CCDC3: variants seen among roughly 807,000 people sequenced by gnomAD.
The protein encoded by CCDC3 is coiled-coil domain containing 3.
CCDC3 carries 24 observed loss-of-function variants against 21.4 expected under a neutral mutation model. That is an observed-to-expected ratio of 1.12 (90% CI 0.81 to 1.58). CCDC3 has a LOEUF of 1.58. CCDC3 is among the 40% of genes most tolerant of loss of function. The probability of loss-of-function intolerance (pLI) is 0.00; values close to 1 mark genes in which losing one functional copy is unlikely to be tolerated. For missense variants in CCDC3, 425 were observed against 360.9 expected (o/e 1.18, Z -1.44); for synonymous variants, 186 against 166.0 (o/e 1.12, Z -0.93).
intron 2 of CCDC3, among the ~76,000 whole-genome samples, chr10:12,997,274 A>C (rs1339730301): frequency 6.6e-6 from 1 of 151,068 alleles, no homozygotes; most frequent in Non-Finnish European, 1.5e-5. Context: ...ATTCCATGTG[A>C]TACCCACATC....
At chr10:12,909,787 C>T (rs186244617) in intron 2 of CCDC3, among the ~76,000 whole-genome samples, 4 of 152,322 alleles carry the variant, frequency 2.6e-5, no homozygotes, top group Admixed American at 2.6e-4. Context: ...CCCACTGGTG[C>T]TATCCACCTG....
At chr10:13,013,225 A>G (rs1836004815) in intron 5 of CCDC3, among the ~76,000 whole-genome samples, 1 of 152,232 alleles carries the variant, frequency 6.6e-6, no homozygotes, top group Non-Finnish European at 1.5e-5. Context: ...GTTTCTAAAT[A>G]TCATTCTCCA....
In CCDC3 at chr10:12,997,067, C is replaced by T. The variant is rs144214548; in HGVS notation, c.549+1271G>A. On this transcript the variant is annotated intron_variant, in intron 2 of 2. Coordinates refer to ENST00000378825, the MANE Select transcript of CCDC3 (RefSeq NM_031455.4). ...TAAACCTACACACGTACCCCCTGAA[C>T]CTAAAATAAAAGTTGGAAGGAAAAC... 6.9e-4 allele frequency among the ~76,000 whole-genome samples: 105 copies of T among 151,978 alleles called. 1 individual carries two copies. The highest frequency in any genetic ancestry group is 2.3e-3 in the African/African-American group (97 of 41,440).
intron 2 of CCDC3, among the ~76,000 whole-genome samples, chr10:12,973,672 T>A (rs1330491694): frequency 6.6e-6 from 1 of 152,208 alleles, no homozygotes; most frequent in African/African-American, 2.4e-5. Context: ...GGACTTGGGC[T>A]TCCAGGTAAA....
intron 2 of CCDC3, among the ~76,000 whole-genome samples, chr10:12,909,043 C>G (rs1834222585): frequency 6.6e-6 from 1 of 152,190 alleles, no homozygotes; most frequent in African/African-American, 2.4e-5. Flanking sequence ...ATGCAAGGCT[C>G]CATCTTCCTG....
intron 4 of CCDC3, among the ~76,000 whole-genome samples, chr10:13,065,597 C>T (rs1349048913): frequency 6.6e-6 from 1 of 152,184 alleles, no homozygotes; most frequent in African/African-American, 2.4e-5. Context: ...GAAGCTAATG[C>T]TGTTTCCTTC....
At chr10:13,069,578 C>T (rs1836860314) in intron 4 of CCDC3, among the ~76,000 whole-genome samples, 2 of 152,110 alleles carry the variant, frequency 1.3e-5, no homozygotes, top group Non-Finnish European at 2.9e-5. Context: ...TCAAAATTGT[C>T]TTTCCTGATG....
intron 2 of CCDC3, among the ~76,000 whole-genome samples, chr10:12,993,964 C>G (rs1835717320): frequency 6.6e-6 from 1 of 152,146 alleles, no homozygotes; most frequent in Admixed American, 6.5e-5. Flanking sequence ...CTCCTACCCT[C>G]CAAATCGACC....
At chr10:13,034,739 C>T (rs1222532647) in intron 5 of CCDC3, among the ~76,000 whole-genome samples, 1 of 146,892 alleles carries the variant, frequency 6.8e-6, no homozygotes, top group Non-Finnish European at 1.5e-5. Flanking sequence ...AAAACCAGGT[C>T]TGGCGCTGGG....
rs192618021 is a variant in CCDC3 at position 13,076,595 on chromosome 10, G to A, written c.-502-2495C>T. Among the ~76,000 whole-genome samples the A allele has an allele frequency of 3.7e-3, 558 of 152,288 alleles. 3 individuals carry two copies. The highest frequency in any genetic ancestry group is 8.1e-3 in the South Asian group (39 of 4,820). Reference sequence around the variant, plus strand: ...CTTTGTGCTAATAACTCTTTGTTAAGCCCTATCCTATGTAGTTATTAAACA... The same window carrying A: ...CTTTGTGCTAATAACTCTTTGTTAAACCCTATCCTATGTAGTTATTAAACA... On this transcript the variant is annotated intron_variant, in intron 3 of 6. Transcript: ENST00000378839.
intron 2 of CCDC3, among the ~76,000 whole-genome samples, chr10:12,995,256 T>C (rs1835743951): frequency 6.6e-6 from 1 of 152,208 alleles, no homozygotes; most frequent in Non-Finnish European, 1.5e-5. Flanking sequence ...TTTTGCTTTG[T>C]TTTGAGACAG....
chr10:13,065,511 T>C (rs1368428271), intron 4 of CCDC3, among the ~76,000 whole-genome samples: 6 of 152,368 alleles, frequency 3.9e-5, no homozygotes, highest in South Asian at 2.1e-4. Context: ...GTTTTAATCC[T>C]GGGCATGCTT....
At chr10:13,046,244 A>T (rs754956654) in intron 5 of CCDC3, among the ~76,000 whole-genome samples, 1 of 152,030 alleles carries the variant, frequency 6.6e-6, no homozygotes, top group Non-Finnish European at 1.5e-5. Context: ...CATCTCTACA[A>T]CAAATAAAAA....
At chr10:12,944,728 C>G (rs1834889846) in intron 2 of CCDC3, among the ~76,000 whole-genome samples, 1 of 152,178 alleles carries the variant, frequency 6.6e-6, no homozygotes, top group African/African-American at 2.4e-5. Context: ...CTTTTCCTAC[C>G]TATGTTTACT....
chr10:13,034,411 C>T (rs939819816), intron 5 of CCDC3, among the ~76,000 whole-genome samples: 2 of 151,598 alleles, frequency 1.3e-5, no homozygotes, highest in Admixed American at 6.6e-5. Context: ...TTAATGGGTG[C>T]AGCACACCAA....
intron 5 of CCDC3, among the ~76,000 whole-genome samples, chr10:13,040,793 C>T (rs1836444307): frequency 6.6e-6 from 1 of 151,848 alleles, no homozygotes; most frequent in African/African-American, 2.4e-5. Flanking sequence ...AAACTGGCCA[C>T]CTGCATACCC....
chr10:13,030,902 T>A lies in CCDC3; in HGVS notation c.-2+18772A>T, dbSNP rs146933377. 5.3e-4 allele frequency among the ~76,000 whole-genome samples: 80 copies of A among 152,248 alleles called. 2 individuals are homozygous for A. The East Asian group carries it at 9.9e-3, about 19-fold the overall frequency. ...CTCCCACACAATAATAATGGGAGAC[T>A]TTAACACCCCACTGTCAACATTAGA... is the stretch of plus-strand genomic sequence containing the variant. On this transcript the variant is annotated intron_variant, in intron 5 of 6. Coordinates refer to the CCDC3 transcript ENST00000378839.
chr10:12,919,586 TAAAAAAAA>T (rs11413349), intron 2 of CCDC3, among the ~76,000 whole-genome samples: 1 of 130,904 alleles, frequency 7.6e-6, no homozygotes, highest in African/African-American at 2.8e-5. Context: ...CAAGACTGTC[TAAAAAAAA>T]AAAAAAAAAA....
chr10:13,036,391 T>A (rs1189316099), intron 5 of CCDC3, among the ~76,000 whole-genome samples: 1 of 152,226 alleles, frequency 6.6e-6, no homozygotes, highest in African/African-American at 2.4e-5. Context: ...TAGAAAACTC[T>A]TTCCCAAAGA....
Sources: gnomAD v4.1 joint callset for allele counts (sites outside exome capture counted in the v4.1 genomes callset) on GRCh38, gnomAD v4.1.1 for gene constraint, MANE v1.5 for transcripts, NCBI Gene and HGNC (gene_info 2026-07-23, HGNC 2026-07-21) for gene names.